NOX4: variants seen among roughly 807,000 people sequenced by gnomAD.
NOX4 encodes kidney oxidase-1.
In NOX4, 69 loss-of-function variants were observed where a neutral mutation model predicts 87.6. The observed-to-expected ratio is 0.79, with a 90% CI of 0.65 to 0.96. The LOEUF (loss-of-function observed/expected upper bound fraction) is 0.96. NOX4 is among the 40% of genes least tolerant of loss of function. The probability of loss-of-function intolerance (pLI) is 0.00; values close to 1 mark genes in which losing one functional copy is unlikely to be tolerated. For synonymous variants in NOX4, 275 were observed against 238.2 expected, an observed-to-expected ratio of 1.15 and a Z score of -1.42; for missense variants, 680 against 681.5, an observed-to-expected ratio of 1.00 and a Z score of 0.02.
At chr11:89,577,758 T>C in the NOX4 span, 1 of 152,168 alleles carries the variant, frequency 6.6e-6, no homozygotes, top group African/African-American at 2.4e-5. Context: ...TAATTTCTTT[T>C]GGAGTACATG....
In NOX4 at chr11:89,440,735, AT is replaced by A. The variant is rs942789309; in HGVS notation, c.448-21del. ...AGGATCCTGAGAAAAAGAAAAAAAA[AT>A]AAATGATTAAAAACTAAAGCACTGA... On this transcript the variant is annotated intron_variant, in intron 5 of 17. Coordinates refer to ENST00000263317, the MANE Select transcript of NOX4 (RefSeq NM_016931.5). 7.7e-6 allele frequency: 11 copies of A among 1,432,846 alleles called. No individual in the cohort carries two copies. The highest frequency in any genetic ancestry group is 1.2e-5 in the South Asian group (1 of 80,796). The allele number at this position is 1,432,846 out of a possible 1,614,324, so 88.8% of individuals were successfully genotyped here.
intron 2 of NOX4, among the ~76,000 whole-genome samples, chr11:89,487,313 A>AGTAAACATTTGAATAAAAAGTCATT (rs1946669736): frequency 6.6e-6 from 1 of 152,248 alleles, no homozygotes; most frequent in East Asian, 1.9e-4. Flanking sequence ...CACAGGTATA[A>AGTAAACATTTGAATAAAAAGTCATT]GTAAACATTT....
At chr11:89,405,203 C>T (rs1161408523) in intron 8 of NOX4, among the ~76,000 whole-genome samples, 1 of 151,308 alleles carries the variant, frequency 6.6e-6, no homozygotes, top group Non-Finnish European at 1.5e-5. Context: ...TTCAAGTGGA[C>T]ATAACTCTAC....
intron 17 of NOX4, among the ~76,000 whole-genome samples, chr11:89,330,239 C>T (rs1036267243): frequency 9.9e-5 from 15 of 151,962 alleles, no homozygotes; most frequent in African/African-American, 3.6e-4. Context: ...GTTCCAGCTA[C>T]TCAGGAAACT....
chr11:89,327,201 G>C (rs544406407), intron 17 of NOX4, among the ~76,000 whole-genome samples: 84 of 152,222 alleles, frequency 5.5e-4, no homozygotes, highest in Middle Eastern at 3.4e-3. Flanking sequence ...ACCTCATTAA[G>C]AGCAGCAATT....
chr11:89,549,348 C>T, the NOX4 span, among the ~76,000 whole-genome samples: 1 of 152,142 alleles, frequency 6.6e-6, no homozygotes, highest in East Asian at 1.9e-4. Context: ...TTAATCAGCC[C>T]ATCCTTGAAG....
chr11:89,423,586 G>C (rs1011977896), intron 7 of NOX4, among the ~76,000 whole-genome samples: 1 of 152,014 alleles, frequency 6.6e-6, no homozygotes, highest in Non-Finnish European at 1.5e-5. Flanking sequence ...AGTTACTGAA[G>C]TTTAATTATT....
chr11:89,490,892 A>G, intron 1 of NOX4: 1 of 701,640 alleles, frequency 1.4e-6, no homozygotes, highest in Non-Finnish European at 2.6e-6. Flanking sequence ...GAACAAAGGG[A>G]GCAAAAATGT....
chr11:89,562,369 A>G, the NOX4 span, among the ~76,000 whole-genome samples: 1 of 151,998 alleles, frequency 6.6e-6, no homozygotes, highest in South Asian at 2.1e-4. Context: ...GTTAGATAAT[A>G]AAACTATGGT....
chr11:89,456,845 C>A (rs1306556294), intron 2 of NOX4, among the ~76,000 whole-genome samples: 1 of 152,130 alleles, frequency 6.6e-6, no homozygotes, highest in Non-Finnish European at 1.5e-5. Flanking sequence ...CAAAGACTCT[C>A]CATGGCCTTC....
chr11:89,370,056 C>A (rs1244712827), intron 12 of NOX4, among the ~76,000 whole-genome samples: 1 of 151,990 alleles, frequency 6.6e-6, no homozygotes, highest in Non-Finnish European at 1.5e-5. Context: ...GTTATCAACT[C>A]TTTTGTGGCC....
chr11:89,428,281 A>T (rs1943560694), intron 7 of NOX4, among the ~76,000 whole-genome samples: 2 of 146,714 alleles, frequency 1.4e-5, no homozygotes, highest in Non-Finnish European at 3.0e-5. Context: ...AATTGTAAAG[A>T]CCATCGATGC....
the NOX4 span, among the ~76,000 whole-genome samples, chr11:89,517,197 A>G: frequency 1.3e-5 from 2 of 152,108 alleles, no homozygotes; most frequent in African/African-American, 2.4e-5. Flanking sequence ...ATATTTAAAA[A>G]TGTGTTTCTA....
At chr11:89,361,364 T>A (rs1280215656) in intron 12 of NOX4, among the ~76,000 whole-genome samples, 1 of 152,030 alleles carries the variant, frequency 6.6e-6, no homozygotes. Context: ...AAACTAAATA[T>A]CCTGTGTTCT....
chr11:89,445,806 G>A (rs1165733345), intron 4 of NOX4, among the ~76,000 whole-genome samples: 1 of 152,074 alleles, frequency 6.6e-6, no homozygotes, highest in Non-Finnish European at 1.5e-5. Context: ...CTTGGGTTTG[G>A]TGTTGGCTTT....
chr11:89,525,278 C>T, the NOX4 span, among the ~76,000 whole-genome samples: 1 of 151,984 alleles, frequency 6.6e-6, no homozygotes, highest in African/African-American at 2.4e-5. Flanking sequence ...GTATGTTTAA[C>T]GTTATAAGAA....
At chr11:89,391,086 C>G (rs779828729) in intron 11 of NOX4, among the ~76,000 whole-genome samples, 1 of 152,126 alleles carries the variant, frequency 6.6e-6, no homozygotes, top group Non-Finnish European at 1.5e-5. Context: ...GGTTTTTACT[C>G]TTTCAACAGA....
At chr11:89,337,539 G>A (rs1285036686) in intron 15 of NOX4, 24 bp from the exon 16 acceptor site, 1 of 1,607,652 alleles carries the variant, frequency 6.2e-7, no homozygotes, top group Non-Finnish European at 8.5e-7. Context: ...AAAAGGAATA[G>A]ACTTATTACA....
the NOX4 span, among the ~76,000 whole-genome samples, chr11:89,504,056 G>A: frequency 1.9e-4 from 29 of 151,596 alleles, no homozygotes; most frequent in South Asian, 3.3e-3. Context: ...CAAAATCTTC[G>A]TAGTCTTGAG....
Sources: allele counts gnomAD v4.1 joint callset (sites outside exome capture counted in the v4.1 genomes callset), GRCh38; gene constraint gnomAD v4.1.1; transcripts MANE v1.5; gene names NCBI Gene and HGNC (gene_info 2026-07-23, HGNC 2026-07-21).